Variants in MGAT4C observed in about 807,000 individuals in gnomAD.
MGAT4C encodes alpha-1,3-mannosyl-glycoprotein 4-beta-N-acetylglucosaminyltransferase C.
MGAT4C carries 19 observed loss-of-function variants against 40.1 expected under a neutral mutation model. The ratio of observed to expected loss-of-function variants is 0.47; its 90% CI spans 0.33 to 0.70. The LOEUF (loss-of-function observed/expected upper bound fraction) is 0.70, where lower values mean the gene tolerates loss of function less well. Ranked by LOEUF, MGAT4C falls within the 30% of genes least tolerant of loss-of-function variation. The pLI, the probability that MGAT4C is intolerant of heterozygous loss-of-function variation, is 0.02. For missense variants in MGAT4C, 491 were observed against 563.2 expected, an observed-to-expected ratio of 0.87 and a Z score of 1.30; for synonymous variants, 181 against 187.1, an observed-to-expected ratio of 0.97 and a Z score of 0.27.
intron 2 of MGAT4C, among the ~76,000 whole-genome samples, chr12:86,493,250 G>A (rs1958173491): frequency 6.6e-6 from 1 of 151,266 alleles, no homozygotes; most frequent in African/African-American, 2.5e-5. Context: ...GATTCCTCAG[G>A]GATCTAGAAC....
chr12:86,593,998 G>T (rs976652519), intron 2 of MGAT4C, among the ~76,000 whole-genome samples: 2 of 152,082 alleles, frequency 1.3e-5, no homozygotes, highest in African/African-American at 4.8e-5. Flanking sequence ...AAGATTCCTC[G>T]GCTTGCTTCT....
chr12:86,209,008 G>A (rs1056301122), intron 1 of MGAT4C, among the ~76,000 whole-genome samples: 7 of 151,848 alleles, frequency 4.6e-5, no homozygotes, highest in South Asian at 4.2e-4. Flanking sequence ...TCTAAATATC[G>A]CATTCAAATA....
intron 2 of MGAT4C, among the ~76,000 whole-genome samples, chr12:86,482,113 C>A (rs1957948921): frequency 6.9e-6 from 1 of 145,678 alleles, no homozygotes; most frequent in African/African-American, 2.6e-5. Context: ...AGCAAGTCTT[C>A]TTTTTCAAAG....
intron 1 of MGAT4C, among the ~76,000 whole-genome samples, chr12:86,152,211 A>G (rs749930523): frequency 1.3e-5 from 2 of 152,226 alleles, no homozygotes; most frequent in Non-Finnish European, 2.9e-5. Flanking sequence ...TTGTGCTGCT[A>G]TAACAAAACA....
intron 3 of MGAT4C, among the ~76,000 whole-genome samples, chr12:86,402,182 C>T (rs1250481592): frequency 6.6e-6 from 1 of 151,976 alleles, no homozygotes; most frequent in African/African-American, 2.4e-5. Flanking sequence ...CAGTGGCTCA[C>T]GCTTGTAATT....
At chr12:86,224,343 A>C (rs1950996959) in intron 1 of MGAT4C, among the ~76,000 whole-genome samples, 2 of 152,230 alleles carry the variant, frequency 1.3e-5, no homozygotes, top group Non-Finnish European at 2.9e-5. Flanking sequence ...TAGACTCCAT[A>C]AAATAACAGT....
chr12:86,565,533 T>C (rs1282654825), intron 2 of MGAT4C, among the ~76,000 whole-genome samples: 2 of 152,200 alleles, frequency 1.3e-5, no homozygotes, highest in East Asian at 1.9e-4. Context: ...GCAGTGCACC[T>C]GGTTGTGCAC....
intron 2 of MGAT4C, among the ~76,000 whole-genome samples, chr12:85,992,484 C>T (rs562766570): frequency 6.6e-6 from 1 of 152,202 alleles, no homozygotes; most frequent in Non-Finnish European, 1.5e-5. Flanking sequence ...ATCATTCTTT[C>T]TTTCTCTCTT....
chr12:86,645,109 C>T (rs1441296796), intron 2 of MGAT4C, among the ~76,000 whole-genome samples: 2 of 151,270 alleles, frequency 1.3e-5, no homozygotes, highest in East Asian at 3.9e-4. Context: ...TTTATAAATA[C>T]ATTATATTTA....
intron 1 of MGAT4C, among the ~76,000 whole-genome samples, chr12:86,791,430 T>C (rs561081676): frequency 1.1e-4 from 17 of 148,944 alleles, no homozygotes; most frequent in Non-Finnish European, 2.2e-4. Context: ...TGCTTTAAAC[T>C]GTTTTTTTTT....
At chr12:86,811,475 G>A (rs1255902677) in intron 1 of MGAT4C, among the ~76,000 whole-genome samples, 2 of 150,178 alleles carry the variant, frequency 1.3e-5, no homozygotes, top group Non-Finnish European at 3.0e-5. Flanking sequence ...CAGAGTAGCT[G>A]GGATTACAGG....
chr12:86,078,161 T>A (rs189168374), intron 1 of MGAT4C, among the ~76,000 whole-genome samples: 514 of 152,186 alleles, frequency 3.4e-3, no homozygotes, highest in Non-Finnish European at 5.9e-3. Context: ...GAAACAATAT[T>A]ATATATTGGA....
At chr12:85,983,320 TTTTA>T (rs1473713184) in intron 4 of MGAT4C, among the ~76,000 whole-genome samples, 199 bp downstream of exon 4, 2 of 152,184 alleles carry the variant, frequency 1.3e-5, no homozygotes, top group Non-Finnish European at 2.9e-5. Context: ...CGATTAGGCA[TTTTA>T]TTTAATTTTT....
At chr12:86,248,757 C>G (rs1003118749) in intron 1 of MGAT4C, among the ~76,000 whole-genome samples, 7 of 152,108 alleles carry the variant, frequency 4.6e-5, no homozygotes, top group Non-Finnish European at 7.4e-5. Context: ...AGCGGTCATA[C>G]ATAAAGCCTA....
intron 3 of MGAT4C, among the ~76,000 whole-genome samples, chr12:86,393,220 T>A (rs1482546913): frequency 6.6e-6 from 1 of 152,206 alleles, no homozygotes; most frequent in Non-Finnish European, 1.5e-5. Flanking sequence ...TCTTCAGAGA[T>A]CTCTTTGCCC....
chr12:86,401,642 G>A (rs1956365239), intron 3 of MGAT4C, among the ~76,000 whole-genome samples: 1 of 152,024 alleles, frequency 6.6e-6, no homozygotes, highest in African/African-American at 2.4e-5. Context: ...TCTGATTGAT[G>A]AGACAAAAGT....
At chr12:86,149,006 A>T (rs1187578912) in intron 1 of MGAT4C, among the ~76,000 whole-genome samples, 1 of 152,186 alleles carries the variant, frequency 6.6e-6, no homozygotes, top group Non-Finnish European at 1.5e-5. Flanking sequence ...ATGATATATC[A>T]GTGGGAGGGT....
intron 1 of MGAT4C, among the ~76,000 whole-genome samples, chr12:86,796,674 T>C (rs1483186562): frequency 1.3e-5 from 2 of 151,928 alleles, no homozygotes; most frequent in African/African-American, 2.4e-5. Context: ...AGAGAATGGG[T>C]GTACCAGTTG....
At chr12:86,258,845 A>G (rs553466340), upstream of MGAT4C, among the ~76,000 whole-genome samples, 371 of 152,164 alleles carry the variant, frequency 2.4e-3, 1 homozygote, top group South Asian at 5.0e-3. Context: ...TTTAATTCCT[A>G]GGAAAATTGA....
Sources: allele counts gnomAD v4.1 joint callset (sites outside exome capture counted in the v4.1 genomes callset), GRCh38; gene constraint gnomAD v4.1.1; transcripts MANE v1.5; gene names NCBI Gene and HGNC (gene_info 2026-07-23, HGNC 2026-07-21).